The following DNAH10 variants were observed in gnomAD, a reference collection of about 807,000 sequenced individuals.
DNAH10 encodes the protein axonemal beta dynein heavy chain 10.
In DNAH10, 348 loss-of-function variants were observed where a neutral mutation model predicts 506.6. That is an observed-to-expected ratio of 0.69 (90% CI 0.63 to 0.75). The LOEUF is 0.75. DNAH10 is among the 30% of genes least tolerant of loss of function. The pLI, the probability that DNAH10 is intolerant of heterozygous loss-of-function variation, is 0.00. For missense variants in DNAH10, 5,179 were observed against 5,787.1 expected, an observed-to-expected ratio of 0.89 and a Z score of 3.41; for synonymous variants, 2,059 against 2,198.6, an observed-to-expected ratio of 0.94 and a Z score of 1.78.
chr12:123,855,666 A>G (rs1951358431), intron 36 of DNAH10, among the ~76,000 whole-genome samples: 1 of 149,860 alleles, frequency 6.7e-6, no homozygotes, highest in Non-Finnish European at 1.5e-5. Context: ...TAAAAAGTAT[A>G]TATATATATA....
At chr12:123,813,121 G>A (rs1959004957) in intron 19 of DNAH10, 43 bp from the exon 20 acceptor site, 2 of 1,481,398 alleles carry the variant, frequency 1.4e-6, no homozygotes, top group Admixed American at 2.0e-5. Flanking sequence ...AGGCAAAATA[G>A]ATACTAAAAT....
At chr12:123,843,190 C>T (rs577435399) in intron 30 of DNAH10, among the ~76,000 whole-genome samples, 86 of 152,306 alleles carry the variant, frequency 5.6e-4, no homozygotes, top group Non-Finnish European at 9.0e-4. Flanking sequence ...CCTTTGAGCA[C>T]GTGAACTTGT....
chr12:123,822,949 A>G lies in DNAH10; in HGVS notation c.4179+2191A>G, dbSNP rs138833959. ...AATGCAAACGCTCATCTCACTCAGT[A>G]TCTCTCACAAAACACCAGCGTCCAC... On this transcript the variant is annotated intron_variant, in intron 24 of 78. Transcript: ENST00000673944. Among the ~76,000 whole-genome samples the G allele has an allele frequency of 1.1e-3, 164 of 152,322 alleles. 1 individual carries two copies. The highest frequency in any genetic ancestry group is 3.1e-3 in the African/African-American group (128 of 41,556).
At position 123,803,739 on chromosome 12, in the gene DNAH10, C is replaced by T. The variant is rs766571573; in HGVS notation, c.2693C>T (p.Ala898Val). 7 of 1,610,972 alleles carry T rather than the reference C, an allele frequency of 4.3e-6. No homozygotes were observed. The Admixed American group carries it at 1.0e-4, about 23-fold the overall frequency. ...CTCGTCCACCAGATTCATAAGAATG[C>T]AGATGACATTTCTTCCAGGCTGACA... ...ESLVHQIHKN[A>V]DDISSRLTLI... is the part of the protein sequence containing the mutation. The change falls in exon 17 of 79, where the codon GCA (alanine) becomes GTA (valine). Residue 898 changes from alanine (A) to valine (V), a missense_variant. Coordinates refer to ENST00000673944, the MANE Select transcript of DNAH10 (RefSeq NM_001372106.1).
chr12:123,926,528 TG>T lies in DNAH10; in HGVS notation c.11922-107del. The stretch of plus-strand genomic sequence containing the variant: ...ACTGCAACGAGCTATCCCAGAGGAG[TG>T]GTCAGAAGGTTCTGGACACCGGAGG... On this transcript the variant is annotated intron_variant, in intron 68 of 78. Transcript: ENST00000673944. The surrounding 1 kb of genome is among the most constrained non-coding windows in gnomAD (Gnocchi z 4.1). The T allele has an allele frequency of 1.7e-6, 2 of 1,146,786 alleles. No homozygotes were observed. Among genetic ancestry groups the T allele is most frequent in the Non-Finnish European group, 2.4e-6 (2 of 823,590 alleles). 71.0% of individuals were successfully genotyped at this position (1,146,786 alleles called of 1,614,324 possible).
chr12:123,878,661 C>T (rs1952366501), intron 48 of DNAH10, among the ~76,000 whole-genome samples: 1 of 152,094 alleles, frequency 6.6e-6, no homozygotes, highest in South Asian at 2.1e-4. Flanking sequence ...CTTTGGGAGG[C>T]CAAGGGAGGA....
chr12:123,809,688 C>T (rs1046555280), intron 19 of DNAH10, among the ~76,000 whole-genome samples: 2 of 126,230 alleles, frequency 1.6e-5, no homozygotes, highest in Non-Finnish European at 1.6e-5. Context: ...CATATCATTT[C>T]GTGTCATCCC....
At chr12:123,851,627 G>A (rs1458083600) in intron 35 of DNAH10, among the ~76,000 whole-genome samples, 2 of 152,234 alleles carry the variant, frequency 1.3e-5, no homozygotes, top group African/African-American at 4.8e-5. Context: ...TGGCACAAGT[G>A]CCATTAACTC....
At position 123,873,621 on chromosome 12, in the gene DNAH10, G is replaced by T; in HGVS notation, c.7849G>T (p.Ala2617Ser). 6.2e-7 allele frequency: 1 copy of T among 1,613,918 alleles called. No homozygotes were observed. The highest frequency in any genetic ancestry group is 8.5e-7 in the Non-Finnish European group (1 of 1,179,860). Residue 2617 changes from alanine to serine, a missense_variant, in exon 46 of 79, where the codon GCA becomes TCA. Physicochemically the swap from Ala to Ser is moderately conservative, Grantham distance 99. Around this residue, in one of 3 missense-constraint regions of DNAH10, gnomAD observed 4,844 missense variants for 5,430.5 expected, o/e 0.89. Coordinates refer to ENST00000673944, the MANE Select transcript of DNAH10 (RefSeq NM_001372106.1). The stretch of plus-strand genomic sequence containing the variant: ...CATGGATATCCAAAGAAATTTAGAA[G>T]CAAATGTGGAAAAGCGAACCAAAGA... ...TSMDIQRNLE[A>S]NVEKRTKDTY...
intron 45 of DNAH10, among the ~76,000 whole-genome samples, chr12:123,872,319 G>A (rs77493190): frequency 0.033 from 5,056 of 152,202 alleles, 244 homozygotes; most frequent in African/African-American, 0.11. Context: ...GCAGTGGGGG[G>A]ATAAACATGG....
chr12:123,815,052 C>CCAA (rs750340694), intron 21 of DNAH10, among the ~76,000 whole-genome samples: 12 of 150,874 alleles, frequency 8.0e-5, no homozygotes, highest in East Asian at 1.9e-4. Context: ...ATGTCAAATT[C>CCAA]CAACAACAAC....
In DNAH10 at chr12:123,931,430, C is replaced by A. The variant is rs762046971; in HGVS notation, c.12874C>A (p.Arg4292=). The change falls in exon 74 of 79, where the codon CGA becomes AGA. Residue 4292 remains arginine (R), a synonymous_variant. Transcript: ENST00000673944. Reference sequence around the variant, plus strand: ...GATTGGCTATTACACGCAGGCGGCTCGAGACATGTGGGCTCACCTGCTGGA... The same window carrying A: ...GATTGGCTATTACACGCAGGCGGCTAGAGACATGTGGGCTCACCTGCTGGA... ...AEIGYYTQAA[R]DMWAHLLELQ... is the part of the protein sequence containing the mutation. 6.2e-7 allele frequency: 1 copy of A among 1,613,928 alleles called. No individual in the cohort carries two copies.
rs763145239 is a variant in DNAH10 at position 123,783,157 on chromosome 12, G to A, written c.892G>A (p.Asp298Asn). 13 of 1,614,030 alleles carry A rather than the reference G, an allele frequency of 8.1e-6. No individual in the cohort carries two copies. Among genetic ancestry groups the A allele is most frequent in the African/African-American group, 5.3e-5 (4 of 74,892 alleles). Residue 298 changes from aspartate to asparagine, a missense_variant, in exon 7 of 79, where the codon GAC becomes AAC. Coordinates refer to ENST00000673944, the MANE Select transcript of DNAH10 (RefSeq NM_001372106.1). ...PIISVEGEVS[D>N]LAADPETVDI... The stretch of plus-strand genomic sequence containing the variant: ...CATCAGTGTGGAGGGAGAGGTGTCT[G>A]ACCTGGCAGCTGACCCGGAAACCGT...
chr12:123,851,577 AC>A (rs1951179025), intron 35 of DNAH10, among the ~76,000 whole-genome samples: 1 of 152,256 alleles, frequency 6.6e-6, no homozygotes, highest in Non-Finnish European at 1.5e-5. Flanking sequence ...AGAACATCTC[AC>A]ATAGCCACAG....
At chr12:123,788,392 G>A (rs1446142916) in intron 10 of DNAH10, among the ~76,000 whole-genome samples, 4 of 152,108 alleles carry the variant, frequency 2.6e-5, no homozygotes, top group Admixed American at 6.6e-5. Context: ...AGAGCTCCAC[G>A]GATGGACAAA....
chr12:123,771,603 A>AATCAATC lies in DNAH10; in HGVS notation c.302_303insTCAATCA (p.Lys101AsnfsTer21). The AATCAATC allele has an allele frequency of 6.2e-7, 1 of 1,613,222 alleles. No individual in the cohort carries two copies. The highest frequency in any genetic ancestry group is 8.5e-7 in the Non-Finnish European group (1 of 1,179,476). The stretch of plus-strand genomic sequence containing the variant: ...TTAAACTGATTGCTGTTTTGCAGCT[A>AATCAATC]AGCGTGTGTCACTGAGAACCGAATC... On this transcript the variant is annotated frameshift_variant, in exon 3 of 79. Coordinates refer to ENST00000673944, the MANE Select transcript of DNAH10 (RefSeq NM_001372106.1). LOFTEE classifies it high-confidence loss of function.
At chr12:123,836,959 TCTC>T (rs1478458715) in intron 28 of DNAH10, among the ~76,000 whole-genome samples, 1 of 106,110 alleles carries the variant, frequency 9.4e-6, no homozygotes, top group Non-Finnish European at 2.0e-5. Context: ...TTCCGGCTGT[TCTC>T]CTGCCTCAGC....
At position 123,850,799 on chromosome 12, in the gene DNAH10, C is replaced by A; in HGVS notation, c.6103-89C>A. Reference sequence around the variant, plus strand: ...AGCCTCATACCATGAAAATGAATCGCCACGCAGCTCGCCGCAGGCCCCCTT... The same window carrying A: ...AGCCTCATACCATGAAAATGAATCGACACGCAGCTCGCCGCAGGCCCCCTT... On this transcript the variant is annotated intron_variant, in intron 34 of 78. Transcript: ENST00000673944. The surrounding 1 kb of genome is among the most constrained non-coding windows in gnomAD (Gnocchi z 5.5). 7.4e-7 allele frequency: 1 copy of A among 1,347,628 alleles called. No individual in the cohort carries two copies. The highest frequency in any genetic ancestry group is 1.0e-6 in the Non-Finnish European group (1 of 993,394). The allele number at this position is 1,347,628 out of a possible 1,614,324, so 83.5% of individuals were successfully genotyped here.
chr12:123,775,378 T>C (rs1298753447), intron 5 of DNAH10, among the ~76,000 whole-genome samples: 1 of 152,094 alleles, frequency 6.6e-6, no homozygotes, highest in African/African-American at 2.4e-5. Context: ...CAAAGTGCTG[T>C]GATTACAGGC....
Sources: allele counts gnomAD v4.1 joint callset (sites outside exome capture counted in the v4.1 genomes callset), GRCh38; gene constraint gnomAD v4.1.1; regional missense constraint gnomAD v4.1.1; non-coding constraint Gnocchi (gnomAD v3.1); transcripts MANE v1.5; gene names NCBI Gene and HGNC (gene_info 2026-07-23, HGNC 2026-07-21).